The following JKAMP variants were observed in gnomAD, a reference collection of about 807,000 sequenced individuals.
JKAMP encodes JNK1/MAPK8 associated membrane protein, also known as JNK1/MAPK8-associated membrane protein.
Under a neutral mutation model 40.2 loss-of-function variants are expected in JKAMP, and 20 were observed. That is an observed-to-expected ratio of 0.50 (90% CI 0.35 to 0.72). The LOEUF is 0.72. JKAMP is among the 30% of genes least tolerant of loss of function. JKAMP has a pLI of 0.01. For missense variants in JKAMP, 276 were observed against 373.0 expected, an observed-to-expected ratio of 0.74 and a Z score of 2.14; for synonymous variants, 138 against 131.6, an observed-to-expected ratio of 1.05 and a Z score of -0.33.
At chr14:59,496,669 AGAATC>A (rs1415856058) in intron 4 of JKAMP, among the ~76,000 whole-genome samples, 2 of 152,198 alleles carry the variant, frequency 1.3e-5, no homozygotes, top group African/African-American at 4.8e-5. Flanking sequence ...GTGTAGCCTA[AGAATC>A]TTGTGGCAGC....
At chr14:59,494,978 T>C in intron 3 of JKAMP, 40 bp from the exon 4 acceptor site, 7 of 1,421,194 alleles carry the variant, frequency 4.9e-6, no homozygotes, top group Non-Finnish European at 5.9e-6. Context: ...ATTTAAATAT[T>C]GCAATTTTTC....
At position 59,486,740 on chromosome 14, in the gene JKAMP, G is replaced by T; in HGVS notation, c.32G>T (p.Gly11Val). ...GTCGATATTCAACCAGCATGCCTTG[G>T]ACTTTATTGTGGGAAGACCCTATTA... MAVDIQPACL[G>V]LYCGKTLLFK... Residue 11 changes from glycine to valine, a missense_variant, in exon 2 of 7, where the codon GGA becomes GTA. Transcript: ENST00000616435. 1 of 1,594,524 alleles carries T rather than the reference G, an allele frequency of 6.3e-7. No homozygotes were observed. The highest frequency in any genetic ancestry group is 8.6e-7 in the Non-Finnish European group (1 of 1,169,206).
intron 1 of JKAMP, among the ~76,000 whole-genome samples, 193 bp from the exon 2 acceptor site, chr14:59,486,520 T>A (rs1208269872): frequency 2.6e-5 from 4 of 152,230 alleles, no homozygotes; most frequent in African/African-American, 9.6e-5. Context: ...AACAGCAAGG[T>A]TCCAGGATAA....
chr14:59,485,035 G>C (rs940435646), intron 1 of JKAMP: 6 of 1,597,966 alleles, frequency 3.8e-6, no homozygotes, highest in Non-Finnish European at 5.1e-6. Context: ...CAAAAAAATG[G>C]AATCTTAAAA....
At chr14:59,486,417 G>C (rs1301961894) in intron 1 of JKAMP, among the ~76,000 whole-genome samples, 1 of 152,186 alleles carries the variant, frequency 6.6e-6, no homozygotes, top group Non-Finnish European at 1.5e-5. Flanking sequence ...GTTAAACTCA[G>C]AAGTATCCTC....
At chr14:59,498,257 A>G (rs970055932) in intron 4 of JKAMP, among the ~76,000 whole-genome samples, 1 of 152,228 alleles carries the variant, frequency 6.6e-6, no homozygotes, top group African/African-American at 2.4e-5. Flanking sequence ...TGTATTAGGC[A>G]CAGTTAATTT....
chr14:59,502,279 T>G, intron 6 of JKAMP, among the ~76,000 whole-genome samples: 1 of 152,170 alleles, frequency 6.6e-6, no homozygotes, highest in East Asian at 1.9e-4. Context: ...GGCCAAACTC[T>G]AGAGGAAGCA....
chr14:59,492,316 G>A (rs2031799), intron 3 of JKAMP, among the ~76,000 whole-genome samples: 21,197 of 152,184 alleles, frequency 0.14, 1,705 homozygotes, highest in South Asian at 0.26. Flanking sequence ...AGAAAAAAAT[G>A]CATAGAAATA....
At position 59,494,121 on chromosome 14, in the gene JKAMP, G is replaced by GGT. The variant is rs55831018; in HGVS notation, c.252-881_252-880dup. ...CTTAAAATTTTTAGAAGAAAATTTG[G>GGT]GTGTGTGTGTGTGTGTGAGATACAC... On this transcript the variant is annotated intron_variant, in intron 3 of 6. Transcript: ENST00000616435. 7.7e-3 allele frequency among the ~76,000 whole-genome samples: 1,163 copies of GGT among 151,070 alleles called. 14 individuals are homozygous for GGT. Among genetic ancestry groups the GGT allele is most frequent in the African/African-American group, 0.026 (1,074 of 41,146 alleles).
In JKAMP at chr14:59,501,196, G is replaced by T; in HGVS notation, c.646G>T (p.Ala216Ser). 1 of 1,578,846 alleles carries T rather than the reference G, an allele frequency of 6.3e-7. No individual in the cohort carries two copies. Residue 216 changes from alanine (A) to serine (S), a missense_variant, in exon 6 of 7, where the codon GCC becomes TCC. Transcript: ENST00000616435. ...QAVGGGLLYY[A>S]FPYIILVLSL... ...TACCAATGCTTATCTTTCAGATTAC[G>T]CCTTCCCATACATTATATTAGTGTT...
At position 59,504,148 on chromosome 14, in the gene JKAMP, G is replaced by T; in HGVS notation, c.*76G>T. On this transcript the variant is annotated 3_prime_UTR_variant, in exon 7 of 7. Transcript: ENST00000616435. ...GTAAATCAATCTTAACAGTGTATGA[G>T]AACTATTCTATCATATATGGGAACA... The T allele has an allele frequency of 1.2e-6, 1 of 825,614 alleles. No individual in the cohort carries two copies. Among genetic ancestry groups the T allele is most frequent in the East Asian group, 2.5e-5 (1 of 39,484 alleles). 51.1% of individuals were successfully genotyped at this position (825,614 alleles called of 1,614,324 possible). A position where few individuals can be genotyped will look rare whatever the true frequency, so the allele number is the denominator to read the frequency against.
At chr14:59,503,234 G>GTTTTA (rs1179800005) in intron 6 of JKAMP, among the ~76,000 whole-genome samples, 1 of 152,146 alleles carries the variant, frequency 6.6e-6, no homozygotes. Context: ...TTGATGAGCT[G>GTTTTA]TTTAATAAGA....
At position 59,504,103 on chromosome 14, in the gene JKAMP, G is replaced by T. The variant is rs766973688; in HGVS notation, c.*31G>T. On this transcript the variant is annotated 3_prime_UTR_variant, in exon 7 of 7. Transcript: ENST00000616435. ...GACATGTGAAATGCCAAAAACCTGA[G>T]AAGTGCTCCTAATAAAAAAGTAAAT... The T allele has an allele frequency of 1.5e-6, 2 of 1,328,994 alleles. No homozygotes were observed. Among genetic ancestry groups the T allele is most frequent in the Non-Finnish European group, 2.2e-6 (2 of 924,022 alleles). 82.3% of individuals were successfully genotyped at this position (1,328,994 alleles called of 1,614,324 possible). A position where few individuals can be genotyped will look rare whatever the true frequency, so the allele number is the denominator to read the frequency against.
intron 5 of JKAMP, among the ~76,000 whole-genome samples, chr14:59,499,419 A>T (rs956076887): frequency 2.0e-5 from 3 of 152,218 alleles, no homozygotes; most frequent in African/African-American, 7.2e-5. Context: ...GTAGGGTCTT[A>T]GGTTTCTAAG....
intron 1 of JKAMP, among the ~76,000 whole-genome samples, chr14:59,486,340 T>C (rs747715358): frequency 5.2e-4 from 79 of 152,226 alleles, no homozygotes; most frequent in Non-Finnish European, 1.0e-3. Flanking sequence ...CTGGGCAAAA[T>C]ACAAGGTGGT....
At chr14:59,498,284 A>G (rs1891598887) in intron 4 of JKAMP, among the ~76,000 whole-genome samples, 1 of 152,218 alleles carries the variant, frequency 6.6e-6, no homozygotes, top group Non-Finnish European at 1.5e-5. Flanking sequence ...CATTTATTTC[A>G]TAACTAGATT....
At position 59,501,231 on chromosome 14, in the gene JKAMP, T is replaced by A; in HGVS notation, c.681T>A (p.Val227=). 6.2e-7 allele frequency: 1 copy of A among 1,606,238 alleles called. No homozygotes were observed. Among genetic ancestry groups the A allele is most frequent in the Non-Finnish European group, 8.5e-7 (1 of 1,173,712 alleles). The change falls in exon 6 of 7, where the codon GTT becomes GTA. Residue 227 remains valine, a synonymous_variant. Transcript: ENST00000616435. ...FPYIILVLSL[V]TLAVYMSASE... is the part of the protein sequence containing the mutation. ...ACATTATATTAGTGTTATCTTTGGTTACTCTGGCTGTGTACATGTCTGCTT... is the reference window on the plus strand; with the variant it reads ...ACATTATATTAGTGTTATCTTTGGTAACTCTGGCTGTGTACATGTCTGCTT...
intron 3 of JKAMP, among the ~76,000 whole-genome samples, chr14:59,492,586 T>C (rs1891103525): frequency 6.6e-6 from 1 of 152,222 alleles, no homozygotes; most frequent in Admixed American, 6.5e-5. Context: ...AGTCGAGATA[T>C]AATTTACCAG....
chr14:59,484,735 C>A, intron 1 of JKAMP, 142 bp downstream of exon 1: 1 of 1,125,354 alleles, frequency 8.9e-7, no homozygotes, highest in Non-Finnish European at 1.3e-6. Flanking sequence ...GCCCTCGGGC[C>A]GGGCTCCGCA....
Sources: gnomAD v4.1 joint callset for allele counts (sites outside exome capture counted in the v4.1 genomes callset) on GRCh38, gnomAD v4.1.1 for gene constraint, MANE v1.5 for transcripts, NCBI Gene and HGNC (gene_info 2026-07-23, HGNC 2026-07-21) for gene names.